MED13L: variants seen among roughly 807,000 people sequenced by gnomAD.
MED13L encodes the protein mediator of RNA polymerase II transcription subunit 13-like.
Under a neutral mutation model 220.9 loss-of-function variants are expected in MED13L, and 7 were observed. The observed-to-expected ratio is 0.03, with a 90% CI of 0.02 to 0.06. The LOEUF is 0.06. MED13L is among the 10% of genes least tolerant of loss of function. The pLI is 1.00. For synonymous variants in MED13L, 1,011 were observed against 1,015.2 expected (o/e 1.00, Z 0.08); for missense variants, 1,965 against 2,760.5 (o/e 0.71, Z 6.46).
intron 1 of MED13L, among the ~76,000 whole-genome samples, chr12:116,267,966 T>A (rs1872962600): frequency 6.6e-6 from 1 of 152,168 alleles, no homozygotes; most frequent in South Asian, 2.1e-4. Context: ...ATAAAATATA[T>A]TCAGAACACA....
chr12:116,263,963 A>C (rs867115660), intron 1 of MED13L, among the ~76,000 whole-genome samples: 11 of 152,202 alleles, frequency 7.2e-5, no homozygotes, highest in Non-Finnish European at 1.5e-4. Context: ...GAGAAGGCAG[A>C]GGTTCAAGCA....
At chr12:116,227,925 T>A (rs1593186177) in intron 2 of MED13L, among the ~76,000 whole-genome samples, 2 of 151,536 alleles carry the variant, frequency 1.3e-5, no homozygotes, top group Non-Finnish European at 2.9e-5. Flanking sequence ...GCAAAAAAAA[T>A]AAATAAATAA....
At chr12:115,977,686 G>A (rs1247411224) in intron 23 of MED13L, among the ~76,000 whole-genome samples, 2 of 152,130 alleles carry the variant, frequency 1.3e-5, no homozygotes, top group Non-Finnish European at 2.9e-5. Context: ...ATGCTAACTG[G>A]AAGAAGCCAG....
intron 23 of MED13L, among the ~76,000 whole-genome samples, chr12:115,978,056 G>T (rs549563450): frequency 6.6e-6 from 1 of 151,890 alleles, no homozygotes; most frequent in Non-Finnish European, 1.5e-5. Context: ...CAAGACCAGC[G>T]TGAGCAATAT....
chr12:116,093,456 A>G (rs1872405336), intron 4 of MED13L, among the ~76,000 whole-genome samples: 1 of 152,138 alleles, frequency 6.6e-6, no homozygotes, highest in Non-Finnish European at 1.5e-5. Flanking sequence ...CATATCAAAT[A>G]TTAAGAACCC....
intron 2 of MED13L, among the ~76,000 whole-genome samples, chr12:116,118,056 G>A (rs1379424050): frequency 6.6e-6 from 1 of 152,096 alleles, no homozygotes; most frequent in Non-Finnish European, 1.5e-5. Context: ...TGATCCTTCT[G>A]CCTCAGACTC....
chr12:116,091,767 T>C (rs1872235498), intron 4 of MED13L, among the ~76,000 whole-genome samples: 1 of 152,252 alleles, frequency 6.6e-6, no homozygotes, highest in African/African-American at 2.4e-5. Context: ...CTAATAGTCT[T>C]TATAGTACAT....
intron 18 of MED13L, 147 bp downstream of exon 18, chr12:115,986,962 G>A: frequency 1.1e-6 from 1 of 879,052 alleles, no homozygotes; most frequent in Non-Finnish European, 1.7e-6. Context: ...GTAACTTTAG[G>A]AAAACAAAGA....
At chr12:116,264,090 G>A (rs1410661142) in intron 1 of MED13L, among the ~76,000 whole-genome samples, 1 of 152,106 alleles carries the variant, frequency 6.6e-6, no homozygotes, top group Non-Finnish European at 1.5e-5. Flanking sequence ...GTATTAAACT[G>A]TTAACTCTTA....
chr12:115,986,447 A>C lies in MED13L; in HGVS notation c.4157T>G (p.Leu1386Arg). 4 of 1,614,156 alleles carry C rather than the reference A, an allele frequency of 2.5e-6. No homozygotes were observed. The highest frequency in any genetic ancestry group is 3.4e-6 in the Non-Finnish European group (4 of 1,180,006). The stretch of plus-strand genomic sequence containing the variant: ...GAGGAAATCCTTGTCATAGCCTACC[A>C]GCAGAGTGGGGATGGGCAACGGCTC... The part of the protein sequence containing the change: ...SPEPLPIPTL[L>R]VGYDKDFLTI... Residue 1386 changes from leucine (L) to arginine (R), a missense_variant, in exon 19 of 31, where the codon CTG becomes CGG. This residue lies in a region of MED13L where 510 missense variants were observed against 620.4 expected (regional missense o/e 0.82). Transcript: ENST00000281928.
At chr12:116,130,951 TAAAC>T (rs1413587757) in intron 2 of MED13L, among the ~76,000 whole-genome samples, 1 of 152,212 alleles carries the variant, frequency 6.6e-6, no homozygotes, top group Non-Finnish European at 1.5e-5. Flanking sequence ...CATTTTCACT[TAAAC>T]ACACATGAAA....
intron 4 of MED13L, among the ~76,000 whole-genome samples, chr12:116,033,948 G>C (rs1380425649): frequency 6.6e-6 from 1 of 152,028 alleles, no homozygotes; most frequent in Non-Finnish European, 1.5e-5. Flanking sequence ...TACTTCTCCA[G>C]CCTCACTCAA....
At chr12:115,985,008 T>C (rs1172424138) in intron 19 of MED13L, among the ~76,000 whole-genome samples, 1 of 152,168 alleles carries the variant, frequency 6.6e-6, no homozygotes, top group Non-Finnish European at 1.5e-5. Context: ...CGTATTATTA[T>C]CCCTTACTAG....
At chr12:116,002,642 C>G (rs946455386) in intron 14 of MED13L, among the ~76,000 whole-genome samples, 12 of 152,112 alleles carry the variant, frequency 7.9e-5, no homozygotes, top group African/African-American at 2.7e-4. Flanking sequence ...AAAACAGAAA[C>G]ATTTTACACA....
rs745693784 is a variant in MED13L, at chr12:115,982,614, A to T, written c.4956-11T>A. The T allele has an allele frequency of 6.2e-7, 1 of 1,600,906 alleles. No individual in the cohort carries two copies. ...TCCCTTTCTGTAACACTGGAGAGAGAGTCACTTGTGAGATGCACAAAATAA... is the reference window on the plus strand; with the variant it reads ...TCCCTTTCTGTAACACTGGAGAGAGTGTCACTTGTGAGATGCACAAAATAA... On this transcript the variant is annotated splice_polypyrimidine_tract_variant and intron_variant, in intron 21 of 30. Coordinates refer to ENST00000281928, the MANE Select transcript of MED13L (RefSeq NM_015335.5).
At chr12:116,151,310 A>G (rs1197034687) in intron 2 of MED13L, among the ~76,000 whole-genome samples, 1 of 152,228 alleles carries the variant, frequency 6.6e-6, no homozygotes, top group African/African-American at 2.4e-5. Flanking sequence ...TTAAGTTACT[A>G]TAGAAATGTC....
intron 1 of MED13L, among the ~76,000 whole-genome samples, chr12:116,272,791 T>C (rs1327126009): frequency 6.6e-6 from 1 of 152,180 alleles, no homozygotes; most frequent in Non-Finnish European, 1.5e-5. Flanking sequence ...CACATACAAA[T>C]GGCTCTTTAA....
chr12:116,154,591 A>AT (rs1878287001), intron 2 of MED13L, among the ~76,000 whole-genome samples: 2 of 152,186 alleles, frequency 1.3e-5, no homozygotes, highest in Admixed American at 6.6e-5. Context: ...GTTCCAGATA[A>AT]TTAAGTATTA....
chr12:116,179,828 C>T (rs374281120), intron 2 of MED13L, among the ~76,000 whole-genome samples: 29 of 152,116 alleles, frequency 1.9e-4, no homozygotes, highest in East Asian at 1.5e-3. Flanking sequence ...GGGACAGTGC[C>T]TCATTAGATA....
Sources: gnomAD v4.1 joint callset for allele counts (sites outside exome capture counted in the v4.1 genomes callset) on GRCh38, gnomAD v4.1.1 for gene constraint, gnomAD v4.1.1 regional missense constraint, MANE v1.5 for transcripts, NCBI Gene and HGNC (gene_info 2026-07-23, HGNC 2026-07-21) for gene names.